Variants in CHAF1B observed in about 807,000 individuals in gnomAD.
CHAF1B encodes chromatin assembly factor 1 subunit B, also known as CAF-1 subunit B.
In CHAF1B, 10 loss-of-function variants were observed where a neutral mutation model predicts 60.7. The observed-to-expected ratio is 0.16, with a 90% CI of 0.10 to 0.28. The LOEUF is 0.28. Ranked by LOEUF, CHAF1B falls within the 10% of genes least tolerant of loss-of-function variation. The pLI is 1.00. For synonymous variants in CHAF1B, 261 were observed against 266.1 expected (o/e 0.98, Z 0.19); for missense variants, 558 against 708.4 (o/e 0.79, Z 2.41).
At position 36,386,096 on chromosome 21, in the gene CHAF1B, C is replaced by A; in HGVS notation, c.-41C>A. The stretch of plus-strand genomic sequence containing the variant: ...TTTCTCCTGTCTTGAAGAAGTAGAA[C>A]GGTGCCCGAGAAACGTTTTTCCCCT... On this transcript the variant is annotated 5_prime_UTR_variant, in exon 2 of 14. Coordinates refer to ENST00000314103, the MANE Select transcript of CHAF1B (RefSeq NM_005441.3). The A allele has an allele frequency of 6.2e-7, 1 of 1,611,776 alleles. No individual in the cohort carries two copies. Among genetic ancestry groups the A allele is most frequent in the Non-Finnish European group, 8.5e-7 (1 of 1,178,596 alleles).
intron 6 of CHAF1B, among the ~76,000 whole-genome samples, chr21:36,399,255 C>T (rs1223545759): frequency 2.6e-5 from 4 of 151,948 alleles, no homozygotes; most frequent in African/African-American, 7.3e-5. Flanking sequence ...AGGCTGGTCT[C>T]GAACTCCTGA....
intron 7 of CHAF1B, among the ~76,000 whole-genome samples, chr21:36,401,560 A>G (rs1186162480): frequency 9.4e-6 from 1 of 106,186 alleles, no homozygotes; most frequent in Non-Finnish European, 1.7e-5. Flanking sequence ...TTTTTATATT[A>G]TACATAATAT....
chr21:36,413,029 AGTC>A lies in CHAF1B; in HGVS notation c.1208_1210del (p.Ser403_Gln404delinsLys), dbSNP rs1438285117. 6.2e-7 allele frequency: 1 copy of A among 1,614,224 alleles called. No homozygotes were observed. The highest frequency in any genetic ancestry group is 1.1e-5 in the South Asian group (1 of 91,080). ...TCCTGATACAGCAAAGAAAACCAAG[AGTC>A]AGACACATCGAGGGTCTTCGCCAGG... On this transcript the variant is annotated inframe_deletion, in exon 12 of 14. Transcript: ENST00000314103.
intron 3 of CHAF1B, 50 bp from the exon 4 acceptor site, chr21:36,391,501 T>G (rs1203193101): frequency 5.6e-6 from 6 of 1,073,728 alleles, no homozygotes; most frequent in Middle Eastern, 2.2e-4. Flanking sequence ...AATCCTAATA[T>G]GAAGGAGTGT....
chr21:36,406,649 T>C (rs2086240446), intron 8 of CHAF1B, among the ~76,000 whole-genome samples: 1 of 152,148 alleles, frequency 6.6e-6, no homozygotes, highest in Admixed American at 6.6e-5. Flanking sequence ...TGTTTTGAAG[T>C]ATATATATGT....
intron 2 of CHAF1B, 55 bp downstream of exon 2, chr21:36,386,317 A>T (rs2086033744): frequency 6.3e-7 from 1 of 1,591,116 alleles, no homozygotes; most frequent in Admixed American, 1.8e-5. Flanking sequence ...AATAGTTTTC[A>T]TTCTTTTACT....
chr21:36,413,164 G>A lies in CHAF1B; in HGVS notation c.1342G>A (p.Asp448Asn), dbSNP rs774679537. 6 of 1,613,870 alleles carry A rather than the reference G, an allele frequency of 3.7e-6. No homozygotes were observed. Among genetic ancestry groups the A allele is most frequent in the African/African-American group, 1.3e-5 (1 of 74,890 alleles). ...RQAPAPTVIR[D>N]PPSITPAVKS... ...GGCCCCAGCCCCAACAGTCATCAGG[G>A]ACCCTCCCTCCATCACTCCTGCTGT... The change falls in exon 12 of 14, where the codon GAC (aspartate) becomes AAC (asparagine). Residue 448 changes from aspartate to asparagine, a missense_variant. Asp to Asn is a conservative substitution (Grantham distance 23, BLOSUM62 1). Transcript: ENST00000314103.
At chr21:36,411,998 G>C (rs1210120488) in intron 11 of CHAF1B, among the ~76,000 whole-genome samples, 1 of 152,202 alleles carries the variant, frequency 6.6e-6, no homozygotes, top group African/African-American at 2.4e-5. Context: ...AAAGTGCTGG[G>C]ATTACAGGCG....
chr21:36,402,322 A>G (rs1349656624), intron 7 of CHAF1B, among the ~76,000 whole-genome samples: 1 of 152,156 alleles, frequency 6.6e-6, no homozygotes, highest in Admixed American at 6.6e-5. Context: ...TAAAGAGTGC[A>G]TTCAGTTGGA....
At chr21:36,402,621 T>C (rs879799419) in intron 7 of CHAF1B, 137 bp from the exon 8 acceptor site, 41 of 664,658 alleles carry the variant, frequency 6.2e-5, no homozygotes, top group Non-Finnish European at 1.1e-4. Flanking sequence ...TAAATGACAC[T>C]ATGTAAAGAA....
chr21:36,409,505 C>G, intron 10 of CHAF1B, 40 bp downstream of exon 10: 10 of 1,463,864 alleles, frequency 6.8e-6, no homozygotes, highest in Non-Finnish European at 9.6e-6. Flanking sequence ...GTTTTCTCTC[C>G]GAAACAGGTC....
chr21:36,413,023 A>T lies in CHAF1B; in HGVS notation c.1201A>T (p.Thr401Ser). Reference sequence around the variant, plus strand: ...GAGAACTCCTGATACAGCAAAGAAAACCAAGAGTCAGACACATCGAGGGTC... The same window carrying T: ...GAGAACTCCTGATACAGCAAAGAAATCCAAGAGTCAGACACATCGAGGGTC... ...NMRTPDTAKK[T>S]KSQTHRGSSP... Residue 401 changes from threonine to serine, a missense_variant, in exon 12 of 14, where the codon ACC (threonine) becomes TCC (serine). Coordinates refer to ENST00000314103, the MANE Select transcript of CHAF1B (RefSeq NM_005441.3). 6.2e-7 allele frequency: 1 copy of T among 1,614,140 alleles called. No homozygotes were observed. The highest frequency in any genetic ancestry group is 8.5e-7 in the Non-Finnish European group (1 of 1,180,034).
chr21:36,386,069 G>C lies in CHAF1B; in HGVS notation c.-68G>C. The C allele has an allele frequency of 6.3e-7, 1 of 1,593,786 alleles. No individual in the cohort carries two copies. The highest frequency in any genetic ancestry group is 1.7e-5 in the Admixed American group (1 of 58,392). ...TTTAATCCATCACCAGCATTTTGCA[G>C]CTTTCTCCTGTCTTGAAGAAGTAGA... is the stretch of plus-strand genomic sequence containing the variant. On this transcript the variant is annotated 5_prime_UTR_variant, in exon 2 of 14. Transcript: ENST00000314103.
At chr21:36,391,524 G>A in intron 3 of CHAF1B, 27 bp from the exon 4 acceptor site, 2 of 1,366,502 alleles carry the variant, frequency 1.5e-6, no homozygotes, top group African/African-American at 2.9e-5. Context: ...GTGAAGCGTG[G>A]ATCACTGTTA....
Position 36,412,879 on chromosome 21 carries a change from C to A in CHAF1B, c.1062-5C>A, listed in dbSNP as rs770376072. 1 of 1,608,612 alleles carries A rather than the reference C, an allele frequency of 6.2e-7. No individual in the cohort carries two copies. The highest frequency in any genetic ancestry group is 1.1e-5 in the South Asian group (1 of 90,046). ...CTGTAACTTTTCCCTGTTTTGGGGACGAAGGTCCAGCGATGGTGCCTTCCT... is the reference window on the plus strand; with the variant it reads ...CTGTAACTTTTCCCTGTTTTGGGGAAGAAGGTCCAGCGATGGTGCCTTCCT... On this transcript the variant is annotated splice_region_variant and splice_polypyrimidine_tract_variant and intron_variant, in intron 11 of 13. Coordinates refer to ENST00000314103, the MANE Select transcript of CHAF1B (RefSeq NM_005441.3).
rs1471540790 is a variant in CHAF1B, at chr21:36,387,219, G to GTTT, written c.127-377_127-375dup. On this transcript the variant is annotated intron_variant, in intron 2 of 13. Transcript: ENST00000314103. The stretch of plus-strand genomic sequence containing the variant: ...AGTTTTCTTTCTGAAAATAAGCATA[G>GTTT]TTTTGTTTTTTTTTTTTTTTTGAGA... 1.3e-3 allele frequency among the ~76,000 whole-genome samples: 185 copies of GTTT among 141,340 alleles called. 5 individuals carry two copies. The highest frequency in any genetic ancestry group is 4.1e-3 in the African/African-American group (155 of 37,716). The allele number at this position is 141,340 out of a possible 152,430, so 92.7% of individuals were successfully genotyped here.
At chr21:36,403,911 G>T (rs2086213190) in intron 8 of CHAF1B, among the ~76,000 whole-genome samples, 1 of 152,224 alleles carries the variant, frequency 6.6e-6, no homozygotes, top group Non-Finnish European at 1.5e-5. Context: ...GCTGAGCCAG[G>T]GAGGGCCTGA....
intron 8 of CHAF1B, among the ~76,000 whole-genome samples, chr21:36,405,130 C>T (rs1420862246): frequency 2.0e-5 from 3 of 152,032 alleles, no homozygotes; most frequent in Non-Finnish European, 4.4e-5. Flanking sequence ...TGTCTGTTAT[C>T]AACGTTATTG....
At chr21:36,404,403 T>C (rs1423682445) in intron 8 of CHAF1B, among the ~76,000 whole-genome samples, 2 of 150,190 alleles carry the variant, frequency 1.3e-5, no homozygotes, top group African/African-American at 4.9e-5. Flanking sequence ...CCGGCCCTTT[T>C]TTTTTTTTTA....
Sources: allele counts gnomAD v4.1 joint callset (sites outside exome capture counted in the v4.1 genomes callset), GRCh38; gene constraint gnomAD v4.1.1; transcripts MANE v1.5; gene names NCBI Gene and HGNC (gene_info 2026-07-23, HGNC 2026-07-21).